Variants in DAPK1 observed in about 807,000 individuals in gnomAD.
DAPK1 encodes death associated protein kinase 1.
A neutral mutation model predicts 144.9 loss-of-function variants in DAPK1; 56 were observed. The ratio of observed to expected loss-of-function variants is 0.39; its 90% CI spans 0.31 to 0.48. The LOEUF (loss-of-function observed/expected upper bound fraction) is 0.48. Ranked by LOEUF, DAPK1 falls within the 20% of genes least tolerant of loss-of-function variation. The probability of loss-of-function intolerance (pLI) is 0.95; values close to 1 mark genes in which losing one functional copy is unlikely to be tolerated. For missense variants in DAPK1, 1,454 were observed against 1,875.4 expected, an observed-to-expected ratio of 0.78 and a Z score of 4.15; for synonymous variants, 690 against 749.0, an observed-to-expected ratio of 0.92 and a Z score of 1.29.
At chr9:87,595,629 G>C (rs540814313) in intron 2 of DAPK1, among the ~76,000 whole-genome samples, 1 of 152,320 alleles carries the variant, frequency 6.6e-6, no homozygotes, top group East Asian at 1.9e-4. Flanking sequence ...CCCGACCCAC[G>C]CTGGCCTTGG....
At chr9:87,658,325 C>T (rs1460741539) in intron 18 of DAPK1, among the ~76,000 whole-genome samples, 198 bp downstream of exon 18, 1 of 152,222 alleles carries the variant, frequency 6.6e-6, no homozygotes, top group East Asian at 1.9e-4. Flanking sequence ...TGTTCGTCCT[C>T]TTCTCATCTC....
rs531988217 is a variant in DAPK1 at position 87,528,486 on chromosome 9, G to A, written c.62+29347G>A. 1.6e-3 allele frequency among the ~76,000 whole-genome samples: 251 copies of A among 152,210 alleles called. 2 individuals carry two copies. The highest frequency in any genetic ancestry group is 5.7e-3 in the African/African-American group (235 of 41,538). On this transcript the variant is annotated intron_variant, in intron 2 of 25. Coordinates refer to ENST00000408954, the MANE Select transcript of DAPK1 (RefSeq NM_004938.4). ...ACCCGCCTCGGCCTCCCAAAGTGCT[G>A]GGATTACAGGCGTGAGCCACCACGC...
At chr9:87,587,084 G>A (rs1358354857) in intron 2 of DAPK1, among the ~76,000 whole-genome samples, 4 of 152,148 alleles carry the variant, frequency 2.6e-5, no homozygotes, top group Non-Finnish European at 5.9e-5. Flanking sequence ...GGTGAGATTC[G>A]GAAGCAGGAG....
At position 87,627,811 on chromosome 9, in the gene DAPK1, G is replaced by C. The variant is rs1829541052; in HGVS notation, c.285-10132G>C. Among the ~76,000 whole-genome samples, 5 of 152,174 alleles carry C rather than the reference G, an allele frequency of 3.3e-5. 1 individual carries two copies. Among genetic ancestry groups the C allele is most frequent in the Admixed American group, 3.3e-4 (5 of 15,282 alleles). On this transcript the variant is annotated intron_variant, in intron 3 of 25. Coordinates refer to ENST00000408954, the MANE Select transcript of DAPK1 (RefSeq NM_004938.4). ...CAAGAGGCACTCACAGAAGCTTCAA[G>C]GGTTTCTCTCACCTATGGCTGTGAG...
chr9:87,654,728 C>T (rs140897283), intron 17 of DAPK1, among the ~76,000 whole-genome samples: 1 of 152,322 alleles, frequency 6.6e-6, no homozygotes, highest in Non-Finnish European at 1.5e-5. Flanking sequence ...ATTTGACTCT[C>T]TGTAGACATT....
chr9:87,666,591 A>C (rs1831062751), intron 18 of DAPK1, among the ~76,000 whole-genome samples: 2 of 151,010 alleles, frequency 1.3e-5, no homozygotes, highest in African/African-American at 4.9e-5. Context: ...CTTATGTCTC[A>C]GCCTCCTGAG....
chr9:87,535,714 C>A (rs965122969), intron 2 of DAPK1, among the ~76,000 whole-genome samples: 12 of 151,940 alleles, frequency 7.9e-5, no homozygotes, highest in Non-Finnish European at 8.8e-5. Context: ...TAAATAAATT[C>A]TTTGCAAAAT....
At chr9:87,644,728 A>G (rs749466657) in intron 11 of DAPK1, among the ~76,000 whole-genome samples, 1 of 152,212 alleles carries the variant, frequency 6.6e-6, no homozygotes, top group South Asian at 2.1e-4. Flanking sequence ...GAGACAATAC[A>G]TGTGTCACAG....
chr9:87,561,184 GC>G (rs775332558), intron 2 of DAPK1, among the ~76,000 whole-genome samples: 29 of 152,064 alleles, frequency 1.9e-4, no homozygotes, highest in African/African-American at 6.5e-4. Context: ...TATCTTTTGG[GC>G]AGCAAGAGTT....
At chr9:87,582,558 T>C (rs1029879468) in intron 2 of DAPK1, among the ~76,000 whole-genome samples, 35 of 60,226 alleles carry the variant, frequency 5.8e-4, no homozygotes, top group Non-Finnish European at 1.1e-3. Context: ...ATTTTCCTGC[T>C]TTTTTTTTTT....
intron 3 of DAPK1, chr9:87,633,304 G>C: frequency 1.0e-6 from 1 of 984,930 alleles, no homozygotes. Context: ...AGGGATGAAA[G>C]GGGATGTGTA....
chr9:87,701,954 T>C (rs981178885), intron 24 of DAPK1: 1 of 456,792 alleles, frequency 2.2e-6, no homozygotes, highest in Non-Finnish European at 4.6e-6. Context: ...GGGGCGGTGA[T>C]CTGGGAACTA....
chr9:87,520,134 A>G (rs904025908), intron 2 of DAPK1, among the ~76,000 whole-genome samples: 6 of 152,156 alleles, frequency 3.9e-5, no homozygotes, highest in African/African-American at 9.7e-5. Context: ...AAGGTGTATC[A>G]TGTGTTCTAA....
chr9:87,571,253 C>T (rs1827319195), intron 2 of DAPK1, among the ~76,000 whole-genome samples: 1 of 152,042 alleles, frequency 6.6e-6, no homozygotes, highest in Non-Finnish European at 1.5e-5. Context: ...CTGTTTCTCT[C>T]TGCAGAGTCA....
chr9:87,565,464 G>T (rs1255943036), intron 2 of DAPK1, among the ~76,000 whole-genome samples: 1 of 152,140 alleles, frequency 6.6e-6, no homozygotes, highest in Admixed American at 6.5e-5. Flanking sequence ...GTAAAGCCAG[G>T]AGAGGTGAAG....
At chr9:87,555,018 C>T (rs990886757) in intron 2 of DAPK1, among the ~76,000 whole-genome samples, 2 of 152,190 alleles carry the variant, frequency 1.3e-5, no homozygotes, top group African/African-American at 4.8e-5. Flanking sequence ...CATGGAGGAA[C>T]CCTGCAGGGA....
At chr9:87,585,703 T>A (rs572259991) in intron 2 of DAPK1, among the ~76,000 whole-genome samples, 21 of 152,320 alleles carry the variant, frequency 1.4e-4, no homozygotes, top group African/African-American at 4.6e-4. Context: ...TATGTCCTAG[T>A]TTTATATTAT....
intron 2 of DAPK1, among the ~76,000 whole-genome samples, chr9:87,575,731 G>A (rs1178248050): frequency 1.3e-5 from 2 of 152,138 alleles, no homozygotes; most frequent in African/African-American, 2.4e-5. Flanking sequence ...TCTCCCTCCC[G>A]ACTTTTTTTT....
At chr9:87,701,291 G>A (rs940766449) in intron 24 of DAPK1, among the ~76,000 whole-genome samples, 2 of 152,060 alleles carry the variant, frequency 1.3e-5, no homozygotes, top group African/African-American at 4.8e-5. Flanking sequence ...AAAAATAAAT[G>A]GATTAAAGCT....
Sources: gnomAD v4.1 joint callset for allele counts (sites outside exome capture counted in the v4.1 genomes callset) on GRCh38, gnomAD v4.1.1 for gene constraint, MANE v1.5 for transcripts, NCBI Gene and HGNC (gene_info 2026-07-23, HGNC 2026-07-21) for gene names.